NAV3: variants seen among roughly 807,000 people sequenced by gnomAD.
NAV3 encodes neuron navigator 3, also known as pore membrane and/or filament interacting like protein 1.
Under a neutral mutation model 244.7 loss-of-function variants are expected in NAV3, and 87 were observed. That is an observed-to-expected ratio of 0.36 (90% CI 0.30 to 0.42). The LOEUF (loss-of-function observed/expected upper bound fraction) is 0.42, where lower values mean the gene tolerates loss of function less well. Among genes scored for constraint, NAV3 ranks in the 20% least tolerant of loss-of-function variants. NAV3 has a pLI of 1.00. For missense variants in NAV3, 2,663 were observed against 2,893.3 expected, an observed-to-expected ratio of 0.92 and a Z score of 1.83; for synonymous variants, 1,126 against 1,042.2, an observed-to-expected ratio of 1.08 and a Z score of -1.55.
intron 8 of NAV3, among the ~76,000 whole-genome samples, chr12:78,017,872 C>T (rs1754115628): frequency 6.6e-6 from 1 of 152,068 alleles, no homozygotes; most frequent in African/African-American, 2.4e-5. Context: ...ACATCTTTAC[C>T]AGTTGGCATT....
intron 2 of NAV3, among the ~76,000 whole-genome samples, chr12:77,771,705 T>C (rs1355076215): frequency 1.3e-5 from 2 of 152,032 alleles, no homozygotes; most frequent in Admixed American, 6.6e-5. Context: ...TAGGTGGGAA[T>C]TGAACAATGA....
At chr12:77,674,422 G>A (rs1324573201) in intron 2 of NAV3, among the ~76,000 whole-genome samples, 1 of 150,072 alleles carries the variant, frequency 6.7e-6, no homozygotes, top group Non-Finnish European at 1.5e-5. Flanking sequence ...GTCTCACTCT[G>A]TTGCCCTTGA....
intron 12 of NAV3, among the ~76,000 whole-genome samples, chr12:78,064,395 GTGTC>G (rs3054540): frequency 0.055 from 7,703 of 139,898 alleles, 256 homozygotes; most frequent in Admixed American, 0.078. Flanking sequence ...CTATCTATCT[GTGTC>G]TGTCTGTCTG....
At chr12:77,747,620 C>T (rs1868617836) in intron 2 of NAV3, among the ~76,000 whole-genome samples, 1 of 152,152 alleles carries the variant, frequency 6.6e-6, no homozygotes, top group East Asian at 1.9e-4. Flanking sequence ...ATAGCAAAGA[C>T]TTGGAACCAA....
chr12:77,786,326 A>G (rs563753784), intron 2 of NAV3, among the ~76,000 whole-genome samples: 74 of 152,232 alleles, frequency 4.9e-4, no homozygotes, highest in Non-Finnish European at 5.6e-4. Flanking sequence ...TGAATTGTTC[A>G]TCATACACCC....
chr12:77,742,958 G>A (rs1378875071), intron 2 of NAV3, among the ~76,000 whole-genome samples: 2 of 151,868 alleles, frequency 1.3e-5, no homozygotes, highest in African/African-American at 4.8e-5. Flanking sequence ...TAATACCATG[G>A]GATCCAAAGT....
intron 34 of NAV3, among the ~76,000 whole-genome samples, chr12:78,193,399 G>A (rs1290100005): frequency 6.6e-6 from 1 of 152,158 alleles, no homozygotes; most frequent in Non-Finnish European, 1.5e-5. Flanking sequence ...TGTTAGGCTG[G>A]AAAAGATCAG....
chr12:78,210,139 G>T (rs575201907), intron 39 of NAV3, among the ~76,000 whole-genome samples: 1 of 152,256 alleles, frequency 6.6e-6, no homozygotes, highest in East Asian at 1.9e-4. Context: ...CAGTCTCCCT[G>T]CTGGAGCAGT....
chr12:78,044,631 T>A (rs188640496), intron 9 of NAV3, among the ~76,000 whole-genome samples: 29 of 152,332 alleles, frequency 1.9e-4, no homozygotes, highest in African/African-American at 7.0e-4. Flanking sequence ...TAGTTCTTTT[T>A]GAAGAGGTCC....
intron 24 of NAV3, among the ~76,000 whole-genome samples, chr12:78,171,921 G>T (rs964637416): frequency 2.0e-5 from 3 of 151,356 alleles, no homozygotes; most frequent in African/African-American, 7.3e-5. Context: ...CTAAATTAAT[G>T]CATCACATTC....
intron 2 of NAV3, among the ~76,000 whole-genome samples, chr12:77,635,164 G>A (rs1003351169): frequency 6.6e-6 from 1 of 152,050 alleles, no homozygotes; most frequent in African/African-American, 2.4e-5. Flanking sequence ...GGAGGCAGAG[G>A]CTGCAGTGAG....
In NAV3 at chr12:78,197,316, G is replaced by C. The variant is rs1467972464; in HGVS notation, c.6361G>C (p.Val2121Leu). The C allele has an allele frequency of 6.2e-7, 1 of 1,608,894 alleles. No individual in the cohort carries two copies. Among genetic ancestry groups the C allele is most frequent in the South Asian group, 1.1e-5 (1 of 90,470 alleles). ...SADNNGVELP[V>L]VIILDNLHHV... Reference sequence around the variant, plus strand: ...TGATAATAATGGAGTGGAGCTCCCAGTTGTAATAATTCTTGATAATCTTCA... The same window carrying C: ...TGATAATAATGGAGTGGAGCTCCCACTTGTAATAATTCTTGATAATCTTCA... Residue 2121 changes from valine (V) to leucine (L), a missense_variant, in exon 35 of 40, where the codon GTT (valine) becomes CTT (leucine). Transcript: ENST00000397909.
intron 2 of NAV3, among the ~76,000 whole-genome samples, chr12:77,660,333 T>G (rs191210803): frequency 9.0e-4 from 137 of 152,292 alleles, no homozygotes; most frequent in Admixed American, 3.3e-3. Flanking sequence ...TCAAATTTGT[T>G]TTATCTCAGA....
chr12:77,618,188 T>A (rs1871217698), intron 2 of NAV3, among the ~76,000 whole-genome samples: 1 of 152,188 alleles, frequency 6.6e-6, no homozygotes, highest in Non-Finnish European at 1.5e-5. Flanking sequence ...TCAGCTGACA[T>A]CTTAACTGCA....
intron 9 of NAV3, 107 bp from the exon 10 acceptor site, chr12:78,049,886 A>G (rs1566061898): frequency 3.0e-6 from 2 of 659,482 alleles, no homozygotes; most frequent in East Asian, 2.8e-5. Flanking sequence ...GAAATGTATT[A>G]CATATCCTTT....
intron 3 of NAV3, among the ~76,000 whole-genome samples, chr12:77,950,365 G>A (rs968810952): frequency 5.3e-5 from 8 of 151,994 alleles, no homozygotes; most frequent in Non-Finnish European, 4.4e-5. Flanking sequence ...ATTTGTAGTG[G>A]CATTTCATTG....
intron 2 of NAV3, among the ~76,000 whole-genome samples, chr12:77,631,997 G>A (rs1033374493): frequency 4.6e-5 from 7 of 152,280 alleles, no homozygotes; most frequent in Non-Finnish European, 1.5e-5. Flanking sequence ...GAATATACAC[G>A]TGAACAGAGT....
At position 77,786,872 on chromosome 12, in the gene NAV3, G is replaced by A. The variant is rs554960503; in HGVS notation, c.73-153447G>A. Among the ~76,000 whole-genome samples, 5 of 152,128 alleles carry A rather than the reference G, an allele frequency of 3.3e-5. No homozygotes were observed. The East Asian group carries it at 9.7e-4, about 29-fold the overall frequency. ...GGATGTCCTGACCTTTAGTCTCGAT[G>A]TACCTCATCCCCAGTGCTGTCATGC... On this transcript the variant is annotated intron_variant, in intron 2 of 8. Coordinates refer to the NAV3 transcript ENST00000550042.
intron 2 of NAV3, among the ~76,000 whole-genome samples, chr12:77,719,646 C>A (rs941564637): frequency 1.3e-5 from 2 of 151,952 alleles, no homozygotes; most frequent in Non-Finnish European, 2.9e-5. Context: ...GATAAATTTC[C>A]CTTGGCCATG....
Sources: gnomAD v4.1 joint callset for allele counts (sites outside exome capture counted in the v4.1 genomes callset) on GRCh38, gnomAD v4.1.1 for gene constraint, MANE v1.5 for transcripts, NCBI Gene and HGNC (gene_info 2026-07-23, HGNC 2026-07-21) for gene names.